The following CAST variants were observed in gnomAD, a reference collection of about 807,000 sequenced individuals.
CAST encodes the protein MIR583 host.
Under a neutral mutation model 119.6 loss-of-function variants are expected in CAST, and 76 were observed. The ratio of observed to expected loss-of-function variants is 0.64; its 90% CI spans 0.53 to 0.77. The LOEUF is 0.77. Among genes scored for constraint, CAST ranks in the 30% least tolerant of loss-of-function variants. The probability of loss-of-function intolerance (pLI) is 0.00; values close to 1 mark genes in which losing one functional copy is unlikely to be tolerated. For synonymous variants in CAST, 319 were observed against 331.6 expected (o/e 0.96, Z 0.41); for missense variants, 953 against 946.5 (o/e 1.01, Z -0.09).
the CAST span, among the ~76,000 whole-genome samples, chr5:96,180,028 GAAAAAA>G: frequency 1.4e-5 from 2 of 146,242 alleles, no homozygotes; most frequent in African/African-American, 5.0e-5. Flanking sequence ...ATCTCAAAAA[GAAAAAA>G]AAAAGAACTG....
chr5:96,501,763 A>G, the CAST span, among the ~76,000 whole-genome samples: 1 of 152,270 alleles, frequency 6.6e-6, no homozygotes, highest in Non-Finnish European at 1.5e-5. Flanking sequence ...CATGTGCCAC[A>G]TAACAGTTCA....
chr5:96,023,661 T>G, the CAST span, among the ~76,000 whole-genome samples: 1 of 152,098 alleles, frequency 6.6e-6, no homozygotes, highest in African/African-American at 2.4e-5. Context: ...AGGTGTAAAA[T>G]TATTCACTAC....
At chr5:96,703,384 C>G (rs961456355) in intron 3 of CAST, among the ~76,000 whole-genome samples, 1 of 152,236 alleles carries the variant, frequency 6.6e-6, no homozygotes, top group African/African-American at 2.4e-5. Context: ...TGAGCTCACT[C>G]TGACCTTTCT....
chr5:96,606,091 G>C (rs1747247902), intron 1 of CAST, among the ~76,000 whole-genome samples: 1 of 152,050 alleles, frequency 6.6e-6, no homozygotes, highest in Admixed American at 6.6e-5. Flanking sequence ...TTAAATCTGT[G>C]ATGGAGTCAC....
the CAST span, among the ~76,000 whole-genome samples, chr5:96,090,725 T>C: frequency 6.6e-6 from 1 of 152,042 alleles, no homozygotes; most frequent in African/African-American, 2.4e-5. Flanking sequence ...CTGAGGGAAC[T>C]TCTGTGGAAT....
chr5:96,507,780 C>G, the CAST span, among the ~76,000 whole-genome samples: 1 of 152,036 alleles, frequency 6.6e-6, no homozygotes. Flanking sequence ...GCCATTCACA[C>G]ATAGCAAAGA....
chr5:96,487,406 T>C, the CAST span, among the ~76,000 whole-genome samples: 1 of 152,226 alleles, frequency 6.6e-6, no homozygotes, highest in South Asian at 2.1e-4. Context: ...CGGAATCCCA[T>C]ACTTTCTGAT....
intron 1 of CAST, among the ~76,000 whole-genome samples, chr5:96,615,070 C>T (rs1399672998): frequency 6.6e-6 from 1 of 152,194 alleles, no homozygotes; most frequent in African/African-American, 2.4e-5. Flanking sequence ...AGTACCCATA[C>T]AGCAATTCAA....
At chr5:96,141,692 T>C in the CAST span, among the ~76,000 whole-genome samples, 822 of 152,342 alleles carry the variant, frequency 5.4e-3, 8 homozygotes, top group African/African-American at 0.019. Context: ...GCTGCTATTG[T>C]TGATTTTATT....
At chr5:96,553,869 G>A (rs1035300846) in intron 1 of CAST, among the ~76,000 whole-genome samples, 3 of 152,118 alleles carry the variant, frequency 2.0e-5, no homozygotes, top group African/African-American at 7.2e-5. Context: ...ACCTCTTCAA[G>A]GAGAACTACA....
chr5:96,709,136 T>C (rs1755598681), intron 3 of CAST, among the ~76,000 whole-genome samples: 1 of 152,226 alleles, frequency 6.6e-6, no homozygotes, highest in Admixed American at 6.5e-5. Flanking sequence ...GGCACAAGTT[T>C]GGAATTTATT....
the CAST span, among the ~76,000 whole-genome samples, chr5:96,266,521 C>A: frequency 6.6e-6 from 1 of 152,214 alleles, no homozygotes; most frequent in African/African-American, 2.4e-5. Flanking sequence ...TTCAGCAGCA[C>A]TACACTGTAG....
At chr5:96,017,036 C>A in the CAST span, among the ~76,000 whole-genome samples, 1 of 152,108 alleles carries the variant, frequency 6.6e-6, no homozygotes, top group African/African-American at 2.4e-5. Flanking sequence ...CAGAGTTTCA[C>A]CGTGTTAGCC....
the CAST span, among the ~76,000 whole-genome samples, chr5:96,474,549 A>G: frequency 6.6e-6 from 1 of 152,060 alleles, no homozygotes; most frequent in African/African-American, 2.4e-5. Context: ...TCATCAAGAA[A>G]CTCCTCCAAA....
chr5:96,074,385 GGAAT>G, the CAST span, among the ~76,000 whole-genome samples: 1 of 152,204 alleles, frequency 6.6e-6, no homozygotes. Context: ...CCTTCATAAT[GGAAT>G]TAGTGCCCTT....
At chr5:95,970,833 T>C in the CAST span, among the ~76,000 whole-genome samples, 1 of 152,354 alleles carries the variant, frequency 6.6e-6, no homozygotes, top group South Asian at 2.1e-4. Context: ...AAAATGATTC[T>C]GGATAATTTA....
chr5:96,279,489 AG>A, the CAST span, among the ~76,000 whole-genome samples: 1 of 152,200 alleles, frequency 6.6e-6, no homozygotes, highest in Non-Finnish European at 1.5e-5. Context: ...ATAACCATTT[AG>A]CTATGTTTGA....
intron 1 of CAST, among the ~76,000 whole-genome samples, chr5:96,612,022 A>G (rs577947590): frequency 6.6e-6 from 1 of 152,206 alleles, no homozygotes; most frequent in Admixed American, 6.5e-5. Context: ...GCCACTGTGG[A>G]GAGCAGTTTG....
chr5:96,362,286 A>G, the CAST span, among the ~76,000 whole-genome samples: 2 of 152,212 alleles, frequency 1.3e-5, no homozygotes, highest in Admixed American at 1.3e-4. Context: ...CAGTGCCGCA[A>G]TAAACATATG....
Sources: allele counts gnomAD v4.1 joint callset (sites outside exome capture counted in the v4.1 genomes callset), GRCh38; gene constraint gnomAD v4.1.1; transcripts MANE v1.5; gene names NCBI Gene and HGNC (gene_info 2026-07-23, HGNC 2026-07-21).